The following EXOC4 variants were observed in gnomAD, a reference collection of about 807,000 sequenced individuals.
EXOC4 encodes exocyst complex component 4, also known as SEC8-like 1.
A neutral mutation model predicts 107.2 loss-of-function variants in EXOC4; 71 were observed. That is an observed-to-expected ratio of 0.66 (90% CI 0.55 to 0.81). The LOEUF is 0.81. Ranked by LOEUF, EXOC4 falls within the 30% of genes least tolerant of loss-of-function variation. The pLI, the probability that EXOC4 is intolerant of heterozygous loss-of-function variation, is 0.00. For missense variants in EXOC4, 1,108 were observed against 1,189.6 expected, an observed-to-expected ratio of 0.93 and a Z score of 1.01; for synonymous variants, 456 against 441.2, an observed-to-expected ratio of 1.03 and a Z score of -0.42.
chr7:133,319,770 A>G (rs1795070027), intron 5 of EXOC4, among the ~76,000 whole-genome samples: 1 of 149,640 alleles, frequency 6.7e-6, no homozygotes, highest in Non-Finnish European at 1.5e-5. Flanking sequence ...ATGAGCTACC[A>G]TGCCTGGCCA....
intron 17 of EXOC4, among the ~76,000 whole-genome samples, chr7:134,047,045 T>C (rs1795672522): frequency 6.6e-6 from 1 of 152,238 alleles, no homozygotes; most frequent in African/African-American, 2.4e-5. Flanking sequence ...ACTGCTCTTA[T>C]GAAATTATGT....
intron 11 of EXOC4, among the ~76,000 whole-genome samples, chr7:133,848,044 A>G (rs562520255): frequency 7.2e-5 from 11 of 151,854 alleles, no homozygotes; most frequent in Non-Finnish European, 1.5e-4. Flanking sequence ...AGTCACTTCT[A>G]ATTCCTCACA....
intron 7 of EXOC4, among the ~76,000 whole-genome samples, chr7:133,418,549 A>C (rs376721033): frequency 1.3e-5 from 2 of 152,202 alleles, no homozygotes; most frequent in Non-Finnish European, 2.9e-5. Flanking sequence ...GGGTCAGTGC[A>C]TTGATTCTCT....
intron 9 of EXOC4, among the ~76,000 whole-genome samples, chr7:133,559,518 G>A (rs1800767939): frequency 6.6e-6 from 1 of 152,126 alleles, no homozygotes; most frequent in Admixed American, 6.5e-5. Flanking sequence ...GATTTGAAAT[G>A]CACTGTGTTT....
intron 9 of EXOC4, among the ~76,000 whole-genome samples, chr7:133,578,215 C>A (rs1384111749): frequency 6.6e-6 from 1 of 152,088 alleles, no homozygotes; most frequent in Non-Finnish European, 1.5e-5. Flanking sequence ...CCTTTTAAAT[C>A]AGTTTCACCT....
chr7:134,100,670 G>T, the EXOC4 span, among the ~76,000 whole-genome samples: 1 of 131,346 alleles, frequency 7.6e-6, no homozygotes, highest in African/African-American at 2.6e-5. Flanking sequence ...TTGGAGCCAG[G>T]CACGGTGGCT....
chr7:133,465,161 A>T (rs1486645024), intron 7 of EXOC4, among the ~76,000 whole-genome samples: 3 of 152,142 alleles, frequency 2.0e-5, no homozygotes, highest in African/African-American at 4.8e-5. Flanking sequence ...AGAGTTTGGT[A>T]GTCAAAGTTG....
downstream of EXOC4, among the ~76,000 whole-genome samples, chr7:134,070,921 C>CCAG (rs1936219839): frequency 6.6e-6 from 1 of 152,172 alleles, no homozygotes; most frequent in Admixed American, 6.5e-5. Context: ...AACAGAAAAC[C>CCAG]CAGCAATCTT....
At chr7:133,556,064 A>G (rs1221907012) in intron 9 of EXOC4, among the ~76,000 whole-genome samples, 1 of 152,086 alleles carries the variant, frequency 6.6e-6, no homozygotes. Context: ...GAATCACTAA[A>G]CCTGTTCTCT....
intron 9 of EXOC4, among the ~76,000 whole-genome samples, chr7:133,502,570 T>A (rs948570050): frequency 3.9e-5 from 6 of 152,160 alleles, no homozygotes; most frequent in Non-Finnish European, 7.3e-5. Context: ...TTGGTGTTTT[T>A]AATTTTTTCA....
At chr7:133,971,383 G>GAA (rs1563076022) in intron 14 of EXOC4, among the ~76,000 whole-genome samples, 1 of 140,964 alleles carries the variant, frequency 7.1e-6, no homozygotes, top group Non-Finnish European at 1.5e-5. Flanking sequence ...GAGAGAGAGA[G>GAA]AGAGAGAGAG....
chr7:133,485,697 C>G (rs1799257015), intron 9 of EXOC4, among the ~76,000 whole-genome samples: 2 of 152,112 alleles, frequency 1.3e-5, no homozygotes, highest in African/African-American at 4.8e-5. Flanking sequence ...ATTTCAGTAC[C>G]TAGGATAATG....
At chr7:133,720,001 T>C (rs1212979117) in intron 10 of EXOC4, among the ~76,000 whole-genome samples, 1 of 152,180 alleles carries the variant, frequency 6.6e-6, no homozygotes, top group Non-Finnish European at 1.5e-5. Flanking sequence ...TGATTATATA[T>C]GATTGTCTAA....
At chr7:133,977,690 T>G (rs1241428874) in intron 14 of EXOC4, among the ~76,000 whole-genome samples, 1 of 152,012 alleles carries the variant, frequency 6.6e-6, no homozygotes, top group Non-Finnish European at 1.5e-5. Flanking sequence ...GTGGTTTATT[T>G]GTTTGTTTTT....
intron 6 of EXOC4, among the ~76,000 whole-genome samples, chr7:133,371,030 A>G (rs566401567): frequency 8.5e-5 from 13 of 152,254 alleles, no homozygotes; most frequent in Non-Finnish European, 1.9e-4. Context: ...TACTTAAGAA[A>G]GAGAAAGAAA....
intron 10 of EXOC4, among the ~76,000 whole-genome samples, chr7:133,745,981 C>A (rs933227256): frequency 6.6e-6 from 1 of 152,116 alleles, no homozygotes; most frequent in East Asian, 1.9e-4. Context: ...ATCCCTGTTA[C>A]AACATTTTTT....
intron 14 of EXOC4, among the ~76,000 whole-genome samples, chr7:133,964,575 G>A (rs1296429447): frequency 3.3e-5 from 5 of 152,038 alleles, no homozygotes; most frequent in African/African-American, 1.2e-4. Flanking sequence ...GAGAACATGC[G>A]GTGTTTGGTT....
At chr7:133,754,236 C>A (rs1194873342) in intron 10 of EXOC4, among the ~76,000 whole-genome samples, 1 of 152,150 alleles carries the variant, frequency 6.6e-6, no homozygotes, top group Non-Finnish European at 1.5e-5. Flanking sequence ...CTGCCCTGGG[C>A]AGCTGGCGAT....
chr7:133,305,784 T>TC lies in EXOC4; in HGVS notation c.472-93_472-92insC, dbSNP rs1794738392. 40 of 1,164,240 alleles carry TC rather than the reference T, an allele frequency of 3.4e-5. No homozygotes were observed. The South Asian group carries it at 6.7e-4, about 19-fold the overall frequency. 72.1% of individuals were successfully genotyped at this position (1,164,240 alleles called of 1,614,324 possible). On this transcript the variant is annotated intron_variant, in intron 3 of 17. Coordinates refer to ENST00000253861, the MANE Select transcript of EXOC4 (RefSeq NM_021807.4). Reference sequence around the variant, plus strand: ...CTGATAAAGTTCTCGTAAGCTCCCTTTGTTAGTATCTTTTTAAGACGTCTT... The same window carrying TC: ...CTGATAAAGTTCTCGTAAGCTCCCTTCTGTTAGTATCTTTTTAAGACGTCTT...
Sources: gnomAD v4.1 joint callset for allele counts (sites outside exome capture counted in the v4.1 genomes callset) on GRCh38, gnomAD v4.1.1 for gene constraint, MANE v1.5 for transcripts, NCBI Gene and HGNC (gene_info 2026-07-23, HGNC 2026-07-21) for gene names.